Variants in TAFA1 observed in about 807,000 individuals in gnomAD.
TAFA1 encodes TAFA chemokine like family member 1, also known as chemokine-like protein TAFA-1.
A neutral mutation model predicts 18.5 loss-of-function variants in TAFA1; 4 were observed. The observed-to-expected ratio is 0.22, with a 90% CI of 0.11 to 0.49. TAFA1 has a LOEUF of 0.49. Among genes scored for constraint, TAFA1 ranks in the 20% least tolerant of loss-of-function variants. The probability of loss-of-function intolerance (pLI) is 0.98; values close to 1 mark genes in which losing one functional copy is unlikely to be tolerated. For synonymous variants in TAFA1, 56 were observed against 55.2 expected (o/e 1.01, Z -0.06); for missense variants, 147 against 169.0 (o/e 0.87, Z 0.72).
intron 2 of TAFA1, among the ~76,000 whole-genome samples, chr3:68,064,574 T>C (rs2064648714): frequency 6.6e-6 from 1 of 152,188 alleles, no homozygotes; most frequent in Admixed American, 6.5e-5. Context: ...TATGACCTAA[T>C]TAACATTTGC....
intron 2 of TAFA1, among the ~76,000 whole-genome samples, chr3:68,109,503 A>G (rs2065240662): frequency 6.6e-6 from 1 of 152,194 alleles, no homozygotes; most frequent in Non-Finnish European, 1.5e-5. Context: ...TCAAAGTGGC[A>G]AATGCTATGT....
intron 2 of TAFA1, among the ~76,000 whole-genome samples, chr3:68,404,838 T>C (rs1331214218): frequency 6.6e-6 from 1 of 151,766 alleles, no homozygotes; most frequent in Non-Finnish European, 1.5e-5. Context: ...ATTTGCAGTT[T>C]GAGATCAGTT....
intron 2 of TAFA1, among the ~76,000 whole-genome samples, chr3:68,171,581 A>T (rs1488813329): frequency 6.6e-6 from 1 of 152,310 alleles, no homozygotes. Flanking sequence ...ATACACAGGA[A>T]AAGAAGCCAA....
intron 2 of TAFA1, among the ~76,000 whole-genome samples, chr3:68,270,653 T>C (rs1180324148): frequency 6.6e-6 from 1 of 152,168 alleles, no homozygotes; most frequent in Non-Finnish European, 1.5e-5. Context: ...TCAAGTACCC[T>C]TCCTTTTGGC....
intron 2 of TAFA1, among the ~76,000 whole-genome samples, chr3:68,403,832 A>G (rs2070542605): frequency 6.6e-6 from 1 of 152,200 alleles, no homozygotes. Context: ...TTGCACAGGC[A>G]ATTAAAAGCT....
intron 2 of TAFA1, among the ~76,000 whole-genome samples, chr3:68,115,476 A>G (rs1001317810): frequency 4.3e-4 from 66 of 152,204 alleles, no homozygotes; most frequent in African/African-American, 1.5e-3. Flanking sequence ...ATGCTAGTAC[A>G]ATAGTTCTGG....
intron 2 of TAFA1, among the ~76,000 whole-genome samples, chr3:68,412,332 GTTTC>G (rs1472693672): frequency 7.0e-6 from 1 of 143,644 alleles, no homozygotes; most frequent in Non-Finnish European, 1.6e-5. Context: ...ACATGGGCAA[GTTTC>G]TTTTTTTTTT....
chr3:68,309,943 C>T (rs1432029589), intron 2 of TAFA1, among the ~76,000 whole-genome samples: 1 of 152,200 alleles, frequency 6.6e-6, no homozygotes, highest in Middle Eastern at 3.2e-3. Flanking sequence ...GTAAAGACTA[C>T]TGCCAGCCCA....
chr3:68,219,380 T>G (rs1012193684), intron 2 of TAFA1, among the ~76,000 whole-genome samples: 4 of 152,186 alleles, frequency 2.6e-5, no homozygotes, highest in African/African-American at 9.6e-5. Flanking sequence ...AAATATAGTT[T>G]AGAACTCACA....
chr3:68,389,697 G>A (rs1184907891), intron 2 of TAFA1, among the ~76,000 whole-genome samples: 2 of 152,042 alleles, frequency 1.3e-5, no homozygotes, highest in South Asian at 2.1e-4. Flanking sequence ...GACAGTGGGC[G>A]CAACCCACAG....
chr3:68,408,772 G>C (rs1301193082), intron 2 of TAFA1, among the ~76,000 whole-genome samples: 1 of 152,124 alleles, frequency 6.6e-6, no homozygotes, highest in South Asian at 2.1e-4. Flanking sequence ...AAACAGGCTA[G>C]ACAACAAGCC....
chr3:68,395,311 G>A (rs1190960415), intron 2 of TAFA1, among the ~76,000 whole-genome samples: 6 of 152,116 alleles, frequency 3.9e-5, no homozygotes, highest in Admixed American at 3.9e-4. Context: ...GAGAGGATGT[G>A]GAGAAATAGG....
chr3:68,257,855 A>G (rs1477942085), intron 2 of TAFA1, among the ~76,000 whole-genome samples: 1 of 152,154 alleles, frequency 6.6e-6, no homozygotes, highest in African/African-American at 2.4e-5. Context: ...ATATCCAATG[A>G]TAAGTTATCA....
chr3:68,254,020 T>C (rs1403847275), intron 2 of TAFA1, among the ~76,000 whole-genome samples: 1 of 152,138 alleles, frequency 6.6e-6, no homozygotes, highest in Non-Finnish European at 1.5e-5. Context: ...ATTAGTTTCT[T>C]TGGGTTTCTG....
At chr3:68,261,946 AC>A (rs1172200015) in intron 2 of TAFA1, among the ~76,000 whole-genome samples, 5 of 151,272 alleles carry the variant, frequency 3.3e-5, no homozygotes, top group African/African-American at 1.2e-4. Context: ...AAAGAAAGTG[AC>A]CCCAGTATGA....
At chr3:68,137,549 C>A (rs913215539) in intron 2 of TAFA1, among the ~76,000 whole-genome samples, 1 of 152,160 alleles carries the variant, frequency 6.6e-6, no homozygotes, top group African/African-American at 2.4e-5. Flanking sequence ...ACAAATGAAA[C>A]TAAGACTAGT....
At chr3:68,497,579 C>T (rs929692762) in intron 3 of TAFA1, among the ~76,000 whole-genome samples, 3 of 152,038 alleles carry the variant, frequency 2.0e-5, no homozygotes, top group Non-Finnish European at 2.9e-5. Context: ...AGCAAATGTC[C>T]TAAGCTAGGA....
chr3:68,453,167 G>T lies in TAFA1; in HGVS notation c.259+35747G>T, dbSNP rs931826111. ...CTCCAGATTTTTGAATTCTTTTTAA[G>T]AATGATGGGGTTTGAGTAGGTCAGA... is the stretch of plus-strand genomic sequence containing the variant. On this transcript the variant is annotated intron_variant, in intron 3 of 4. Coordinates refer to ENST00000478136, the MANE Select transcript of TAFA1 (RefSeq NM_213609.4). Among the ~76,000 whole-genome samples the T allele has an allele frequency of 3.3e-5, 5 of 152,266 alleles. No individual in the cohort carries two copies. In the East Asian group the frequency reaches 9.6e-4, roughly 29 times the overall value.
At chr3:68,523,329 G>A (rs2073056976) in intron 3 of TAFA1, among the ~76,000 whole-genome samples, 1 of 152,170 alleles carries the variant, frequency 6.6e-6, no homozygotes, top group African/African-American at 2.4e-5. Flanking sequence ...GAATATTGGT[G>A]ATTAATTTCA....
Sources: gnomAD v4.1 joint callset for allele counts (sites outside exome capture counted in the v4.1 genomes callset) on GRCh38, gnomAD v4.1.1 for gene constraint, MANE v1.5 for transcripts, NCBI Gene and HGNC (gene_info 2026-07-23, HGNC 2026-07-21) for gene names.